The following NRXN3 variants were observed in gnomAD, a reference collection of about 807,000 sequenced individuals.
NRXN3 encodes the protein neurexin 3, also known as neurexin III.
NRXN3 carries 32 observed loss-of-function variants against 137.6 expected under a neutral mutation model. The ratio of observed to expected loss-of-function variants is 0.23; its 90% CI spans 0.18 to 0.31. The LOEUF is 0.31. NRXN3 is among the 10% of genes least tolerant of loss of function. NRXN3 has a pLI of 1.00. For synonymous variants in NRXN3, 798 were observed against 784.5 expected (o/e 1.02, Z -0.29); for missense variants, 1,574 against 2,062.5 (o/e 0.76, Z 4.59).
intron 2 of NRXN3, among the ~76,000 whole-genome samples, chr14:78,274,120 A>T (rs565484162): frequency 1.3e-5 from 2 of 152,164 alleles, no homozygotes; most frequent in Admixed American, 6.5e-5. Flanking sequence ...TGGGAGGACT[A>T]CCCCGGCTGA....
At chr14:78,185,474 C>CT (rs1238984715) in intron 1 of NRXN3, among the ~76,000 whole-genome samples, 1 of 152,104 alleles carries the variant, frequency 6.6e-6, no homozygotes, top group Non-Finnish European at 1.5e-5. Context: ...AGAAATGGGG[C>CT]TGAAAGGGTA....
chr14:78,792,257 C>CAAAAAAAAAA (rs140968788), intron 8 of NRXN3, among the ~76,000 whole-genome samples: 3 of 19,460 alleles, frequency 1.5e-4, no homozygotes, highest in African/African-American at 5.5e-4. Context: ...AGACTAAAGG[C>CAAAAAAAAAA]AAAAAAAAAA....
intron 16 of NRXN3, among the ~76,000 whole-genome samples, chr14:79,579,359 TA>T (rs1393342575): frequency 6.8e-6 from 1 of 146,956 alleles, no homozygotes; most frequent in Non-Finnish European, 1.5e-5. Context: ...CATATATATA[TA>T]TATATATAAT....
At chr14:79,071,397 C>A in intron 15 of NRXN3, among the ~76,000 whole-genome samples, 1 of 152,164 alleles carries the variant, frequency 6.6e-6, no homozygotes, top group Non-Finnish European at 1.5e-5. Context: ...CCCCACTACC[C>A]AACAGGCCCC....
At chr14:78,641,218 G>A (rs1477536619) in intron 4 of NRXN3, among the ~76,000 whole-genome samples, 1 of 152,124 alleles carries the variant, frequency 6.6e-6, no homozygotes, top group East Asian at 1.9e-4. Context: ...TGGTTTTCAA[G>A]GTGATAAGAG....
intron 20 of NRXN3, among the ~76,000 whole-genome samples, chr14:79,854,585 G>A (rs1386914503): frequency 6.6e-6 from 1 of 152,110 alleles, no homozygotes; most frequent in Non-Finnish European, 1.5e-5. Context: ...AGAAAGCCTG[G>A]CCTCTTTGCC....
intron 3 of NRXN3, among the ~76,000 whole-genome samples, chr14:78,289,402 C>A (rs1305963965): frequency 6.6e-6 from 1 of 152,130 alleles, no homozygotes; most frequent in Non-Finnish European, 1.5e-5. Context: ...TAATACAGTC[C>A]TGCCCAATAT....
At chr14:79,700,383 A>G (rs2098750452) in intron 19 of NRXN3, among the ~76,000 whole-genome samples, 1 of 152,082 alleles carries the variant, frequency 6.6e-6, no homozygotes, top group South Asian at 2.1e-4. Context: ...TCACTTTTTT[A>G]TCTATATGTG....
chr14:79,769,165 A>T (rs149717613), intron 19 of NRXN3, among the ~76,000 whole-genome samples: 12,059 of 148,130 alleles, frequency 0.081, 867 homozygotes, highest in South Asian at 0.16. Flanking sequence ...CCTGAAAGTG[A>T]CCGGGAGAAT....
At chr14:79,758,804 C>A (rs1454668903) in intron 19 of NRXN3, among the ~76,000 whole-genome samples, 2 of 152,104 alleles carry the variant, frequency 1.3e-5, no homozygotes, top group Non-Finnish European at 2.9e-5. Flanking sequence ...GGACTGTTGT[C>A]CAACCACACA....
chr14:79,609,673 C>T (rs1331127920), intron 16 of NRXN3, among the ~76,000 whole-genome samples: 1 of 152,154 alleles, frequency 6.6e-6, no homozygotes, highest in Non-Finnish European at 1.5e-5. Context: ...TTTCCTTTCA[C>T]TTGTGGATTT....
chr14:79,617,684 T>G (rs1345920463), intron 16 of NRXN3, among the ~76,000 whole-genome samples: 1 of 152,044 alleles, frequency 6.6e-6, no homozygotes, highest in Non-Finnish European at 1.5e-5. Flanking sequence ...AGAATGTGAC[T>G]AAAACCAGTT....
chr14:78,425,897 G>A (rs541386994), intron 4 of NRXN3, among the ~76,000 whole-genome samples: 4 of 152,254 alleles, frequency 2.6e-5, no homozygotes, highest in South Asian at 2.1e-4. Context: ...CATTTGGCCC[G>A]TAGTCAAGGC....
chr14:78,481,784 G>C (rs191682046), intron 4 of NRXN3, among the ~76,000 whole-genome samples: 266 of 152,180 alleles, frequency 1.7e-3, no homozygotes, highest in Non-Finnish European at 3.3e-3. Context: ...AAACAGAAAG[G>C]ATATCCCCTC....
chr14:79,244,685 C>A, intron 15 of NRXN3, among the ~76,000 whole-genome samples: 1 of 152,150 alleles, frequency 6.6e-6, no homozygotes, highest in East Asian at 1.9e-4. Context: ...GAGGAGAGCT[C>A]ATTAAGAAGA....
intron 4 of NRXN3, among the ~76,000 whole-genome samples, chr14:78,637,120 CT>C (rs1212365653): frequency 1.3e-5 from 2 of 152,180 alleles, no homozygotes; most frequent in African/African-American, 4.8e-5. Context: ...AATTTCTTCT[CT>C]GCTAATTCCC....
chr14:78,171,079 C>T (rs779641394), intron 1 of NRXN3, among the ~76,000 whole-genome samples: 8 of 151,168 alleles, frequency 5.3e-5, no homozygotes, highest in Non-Finnish European at 1.2e-4. Flanking sequence ...CTTCCCCCCT[C>T]ATTTATTCAT....
At chr14:79,601,864 G>A (rs1363177078) in intron 16 of NRXN3, among the ~76,000 whole-genome samples, 1 of 152,208 alleles carries the variant, frequency 6.6e-6, no homozygotes, top group Non-Finnish European at 1.5e-5. Flanking sequence ...AGACAGAAGA[G>A]AGTGCTAGAG....
intron 8 of NRXN3, among the ~76,000 whole-genome samples, chr14:78,738,547 T>C (rs544125849): frequency 5.3e-5 from 8 of 152,314 alleles, no homozygotes; most frequent in Admixed American, 4.6e-4. Context: ...CAGAAGCACC[T>C]GCCAGAGAGC....
Sources: gnomAD v4.1 joint callset for allele counts (sites outside exome capture counted in the v4.1 genomes callset) on GRCh38, gnomAD v4.1.1 for gene constraint, MANE v1.5 for transcripts, NCBI Gene and HGNC (gene_info 2026-07-23, HGNC 2026-07-21) for gene names.